The following BBS9 variants were observed in gnomAD, a reference collection of about 807,000 sequenced individuals.
The protein encoded by BBS9 is Bardet-Biedl syndrome 9.
Under a neutral mutation model 117.7 loss-of-function variants are expected in BBS9, and 89 were observed. That is an observed-to-expected ratio of 0.76 (90% CI 0.64 to 0.90). The LOEUF (loss-of-function observed/expected upper bound fraction) is 0.90, where lower values mean the gene tolerates loss of function less well. Ranked by LOEUF, BBS9 falls within the 40% of genes least tolerant of loss-of-function variation. The pLI, the probability that BBS9 is intolerant of heterozygous loss-of-function variation, is 0.00. For synonymous variants in BBS9, 379 were observed against 370.9 expected (o/e 1.02, Z -0.25); for missense variants, 982 against 1,042.2 (o/e 0.94, Z 0.80).
At chr7:33,392,205 C>T (rs1208849327) in intron 19 of BBS9, among the ~76,000 whole-genome samples, 4 of 152,126 alleles carry the variant, frequency 2.6e-5, no homozygotes, top group African/African-American at 9.7e-5. Flanking sequence ...CATCCCAAAC[C>T]TTAGTGGCTT....
chr7:33,319,084 A>G (rs558570651), intron 9 of BBS9, among the ~76,000 whole-genome samples: 8 of 151,420 alleles, frequency 5.3e-5, no homozygotes, highest in Non-Finnish European at 1.2e-4. Flanking sequence ...AATCGCTTGA[A>G]CCTGAGAGGC....
chr7:33,143,370 C>G (rs1791825650), intron 1 of BBS9, among the ~76,000 whole-genome samples: 1 of 152,104 alleles, frequency 6.6e-6, no homozygotes, highest in South Asian at 2.1e-4. Context: ...TTCTCCATGT[C>G]CTTGCCAACA....
chr7:33,492,211 AAAC>A lies in BBS9; in HGVS notation c.2116-13249_2116-13247del, dbSNP rs1844042400. 1.1e-4 allele frequency among the ~76,000 whole-genome samples: 16 copies of A among 145,266 alleles called. 1 individual carries two copies. The highest frequency in any genetic ancestry group is 2.2e-4 in the South Asian group (1 of 4,460). On this transcript the variant is annotated intron_variant, in intron 19 of 22. Coordinates refer to ENST00000242067, the MANE Select transcript of BBS9 (RefSeq NM_198428.3). The stretch of plus-strand genomic sequence containing the variant: ...AAGCAAGATTCCACCTCGAAAAAAA[AAAC>A]AAAAAAAAAACAAAAAAAAAACTTG...
intron 19 of BBS9, among the ~76,000 whole-genome samples, chr7:33,423,953 T>C (rs1225836567): frequency 6.6e-6 from 1 of 152,158 alleles, no homozygotes; most frequent in African/African-American, 2.4e-5. Context: ...TTACTAAACT[T>C]TCAATTAATT....
chr7:33,299,452 T>A (rs943075853), intron 9 of BBS9, among the ~76,000 whole-genome samples: 1 of 151,694 alleles, frequency 6.6e-6, no homozygotes, highest in African/African-American at 2.4e-5. Flanking sequence ...AAGATTGAGC[T>A]AATTTATGCC....
chr7:33,295,670 C>T (rs1805108342), intron 9 of BBS9, among the ~76,000 whole-genome samples: 1 of 151,934 alleles, frequency 6.6e-6, no homozygotes, highest in Admixed American at 6.6e-5. Context: ...GATATGAGAA[C>T]TTAAGATACG....
chr7:33,361,693 CT>C (rs1168878750), intron 16 of BBS9, among the ~76,000 whole-genome samples: 5 of 151,322 alleles, frequency 3.3e-5, no homozygotes, highest in Non-Finnish European at 7.4e-5. Context: ...CTTTTAATTC[CT>C]TCTTTTAAGG....
intron 4 of BBS9, among the ~76,000 whole-genome samples, chr7:33,173,352 G>A (rs540176901): frequency 6.6e-5 from 10 of 152,060 alleles, no homozygotes; most frequent in African/African-American, 2.2e-4. Context: ...AGGCTGAGGC[G>A]GGTGGATCAC....
Position 33,367,833 on chromosome 7 carries a change from G to C in BBS9, c.1760G>C (p.Arg587Pro). The change falls in exon 17 of 23, where the codon CGA (arginine) becomes CCA (proline). Residue 587 changes from arginine (R) to proline (P), a missense_variant. Transcript: ENST00000242067. Reference sequence around the variant, plus strand: ...GGTTTTCACTTCTTAGGAGGTGCTCGAATTACTGTTCTTGCTTCCAAAACT... The same window carrying C: ...GGTTTTCACTTCTTAGGAGGTGCTCCAATTACTGTTCTTGCTTCCAAAACT... ...VMGFHFLGGARITVLASKTSQ... is the reference protein window; with the variant it reads ...VMGFHFLGGAPITVLASKTSQ... 6.2e-7 allele frequency: 1 copy of C among 1,613,766 alleles called. No individual in the cohort carries two copies. Among genetic ancestry groups the C allele is most frequent in the East Asian group, 2.2e-5 (1 of 44,800 alleles).
At chr7:33,172,084 A>G (rs1796662616) in intron 4 of BBS9, among the ~76,000 whole-genome samples, 1 of 152,134 alleles carries the variant, frequency 6.6e-6, no homozygotes. Context: ...TCTAGGCACT[A>G]AGAACATGCC....
At chr7:33,401,137 AC>A (rs1828847893) in intron 19 of BBS9, among the ~76,000 whole-genome samples, 1 of 151,964 alleles carries the variant, frequency 6.6e-6, no homozygotes, top group Non-Finnish European at 1.5e-5. Flanking sequence ...ACTTTACTCC[AC>A]CCCATCTCAT....
At chr7:33,618,749 T>G (rs1468574345) in intron 21 of BBS9, among the ~76,000 whole-genome samples, 4 of 152,118 alleles carry the variant, frequency 2.6e-5, no homozygotes, top group Non-Finnish European at 5.9e-5. Flanking sequence ...GTTTAAGATT[T>G]ATCATATGCA....
intron 10 of BBS9, among the ~76,000 whole-genome samples, chr7:33,337,281 A>C (rs1815581656): frequency 6.6e-6 from 1 of 152,148 alleles, no homozygotes; most frequent in African/African-American, 2.4e-5. Context: ...TGAGTTGGAC[A>C]TGTGAAAAGC....
At chr7:33,301,892 C>T (rs1414382896) in intron 9 of BBS9, among the ~76,000 whole-genome samples, 2 of 152,110 alleles carry the variant, frequency 1.3e-5, no homozygotes, top group Admixed American at 6.5e-5. Flanking sequence ...ACATTTCCAC[C>T]AACAATGTAT....
chr7:33,220,783 C>T (rs748438454), intron 5 of BBS9, among the ~76,000 whole-genome samples: 1 of 152,118 alleles, frequency 6.6e-6, no homozygotes, highest in South Asian at 2.1e-4. Context: ...CTTTTTAATT[C>T]TCACATTTAC....
intron 19 of BBS9, among the ~76,000 whole-genome samples, chr7:33,432,176 TCGTCTCACTG>T (rs1201405185): frequency 1.3e-5 from 2 of 151,360 alleles, no homozygotes; most frequent in African/African-American, 4.9e-5. Flanking sequence ...TGGTGCGATC[TCGTCTCACTG>T]CAAGCTTCGC....
chr7:33,301,289 T>C (rs942539055), intron 9 of BBS9, among the ~76,000 whole-genome samples: 9 of 152,066 alleles, frequency 5.9e-5, no homozygotes. Flanking sequence ...ATAAGCATAT[T>C]CTTAATTATT....
chr7:33,334,845 C>A lies in BBS9; in HGVS notation c.1017-1596C>A, dbSNP rs981271035. Among the ~76,000 whole-genome samples, 8 of 152,210 alleles carry A rather than the reference C, an allele frequency of 5.3e-5. No homozygotes were observed. In the South Asian group the frequency reaches 6.2e-4, roughly 12 times the overall value. On this transcript the variant is annotated intron_variant, in intron 9 of 22. Coordinates refer to ENST00000242067, the MANE Select transcript of BBS9 (RefSeq NM_198428.3). ...AGACTCAAGTCTCCTGCGTCCTAGT[C>A]TAGTTCTTTAGCTGTTGAACCAGTG...
intron 19 of BBS9, among the ~76,000 whole-genome samples, chr7:33,397,439 A>T: frequency 6.6e-6 from 1 of 152,206 alleles, no homozygotes; most frequent in Non-Finnish European, 1.5e-5. Flanking sequence ...AGGCAGAAAT[A>T]CCATTTGACC....
Sources: allele counts gnomAD v4.1 joint callset (sites outside exome capture counted in the v4.1 genomes callset), GRCh38; gene constraint gnomAD v4.1.1; transcripts MANE v1.5; gene names NCBI Gene and HGNC (gene_info 2026-07-23, HGNC 2026-07-21).